NALF1: variants seen among roughly 807,000 people sequenced by gnomAD.
NALF1 encodes NALCN channel auxiliary factor 1, also known as family with sequence similarity 155 member A.
Under a neutral mutation model 48.4 loss-of-function variants are expected in NALF1, and 3 were observed. That is an observed-to-expected ratio of 0.06 (90% CI 0.03 to 0.16). The LOEUF (loss-of-function observed/expected upper bound fraction) is 0.16. Ranked by LOEUF, NALF1 falls within the 10% of genes least tolerant of loss-of-function variation. The probability of loss-of-function intolerance (pLI) is 1.00; values close to 1 mark genes in which losing one functional copy is unlikely to be tolerated. For synonymous variants in NALF1, 262 were observed against 245.7 expected, an observed-to-expected ratio of 1.07 and a Z score of -0.62; for missense variants, 526 against 571.5, an observed-to-expected ratio of 0.92 and a Z score of 0.81.
At chr13:107,801,473 G>A (rs1300615794) in intron 1 of NALF1, among the ~76,000 whole-genome samples, 2 of 152,190 alleles carry the variant, frequency 1.3e-5, no homozygotes, top group Non-Finnish European at 2.9e-5. Flanking sequence ...CTCGGGTGGT[G>A]TTCTTATATA....
At chr13:107,630,404 A>C (rs2057532) in intron 1 of NALF1, among the ~76,000 whole-genome samples, 37,174 of 151,986 alleles carry the variant, frequency 0.24, 5,139 homozygotes, top group East Asian at 0.49. Context: ...TCCCCACCTG[A>C]CTGGGAAAAC....
At chr13:107,372,204 ATAT>A (rs1401918343) in intron 1 of NALF1, among the ~76,000 whole-genome samples, 1 of 152,236 alleles carries the variant, frequency 6.6e-6, no homozygotes, top group Non-Finnish European at 1.5e-5. Context: ...ATTTCTTCCA[ATAT>A]TCATGTTTAA....
chr13:107,598,176 C>A (rs1454724633), intron 1 of NALF1, among the ~76,000 whole-genome samples: 1 of 152,142 alleles, frequency 6.6e-6, no homozygotes, highest in Non-Finnish European at 1.5e-5. Flanking sequence ...CACACACAGG[C>A]ATACACACAA....
At position 107,307,677 on chromosome 13, in the gene NALF1, A is replaced by G. The variant is rs935587297; in HGVS notation, c.916-96922T>C. 8.0e-5 allele frequency among the ~76,000 whole-genome samples: 12 copies of G among 149,798 alleles called. No individual in the cohort carries two copies. In the South Asian group the frequency reaches 2.5e-3, roughly 32 times the overall value. ...AAAAACTTGCTGGTGCTATAATGGC[A>G]TTGAAATGGATAACAGAAAATTGAA... On this transcript the variant is annotated intron_variant, in intron 1 of 2. Coordinates refer to ENST00000375915, the MANE Select transcript of NALF1 (RefSeq NM_001080396.3).
At chr13:107,701,701 T>C (rs976954516) in intron 1 of NALF1, among the ~76,000 whole-genome samples, 1 of 152,168 alleles carries the variant, frequency 6.6e-6, no homozygotes, top group Non-Finnish European at 1.5e-5. Context: ...TGTATTGCAT[T>C]TGGTGTTTTT....
chr13:107,517,250 T>TAAAAG (rs139307282), intron 1 of NALF1, among the ~76,000 whole-genome samples: 3,596 of 151,850 alleles, frequency 0.024, 137 homozygotes, highest in African/African-American at 0.082. Context: ...CTTGAAAAAC[T>TAAAAG]AAAAGAAAAG....
intron 1 of NALF1, among the ~76,000 whole-genome samples, chr13:107,317,476 T>C (rs1315374151): frequency 6.6e-6 from 1 of 152,048 alleles, no homozygotes; most frequent in African/African-American, 2.4e-5. Flanking sequence ...TTTAAAAACA[T>C]GTAGAATTCC....
intron 1 of NALF1, among the ~76,000 whole-genome samples, chr13:107,426,566 T>A (rs1487369282): frequency 6.6e-6 from 1 of 152,142 alleles, no homozygotes; most frequent in Non-Finnish European, 1.5e-5. Context: ...CATATTTTCA[T>A]AAGCAATCAA....
intron 1 of NALF1, among the ~76,000 whole-genome samples, chr13:107,797,443 T>A (rs943399115): frequency 6.6e-6 from 1 of 152,168 alleles, no homozygotes; most frequent in Non-Finnish European, 1.5e-5. Context: ...TCTCCTGACC[T>A]CATGATCCGC....
intron 1 of NALF1, among the ~76,000 whole-genome samples, chr13:107,617,958 ATTTG>A (rs1337643511): frequency 7.9e-5 from 12 of 152,180 alleles, no homozygotes; most frequent in East Asian, 3.8e-4. Flanking sequence ...CATTTTGTTC[ATTTG>A]TTTATTTCTT....
chr13:107,430,037 G>C (rs1048395335), intron 1 of NALF1, among the ~76,000 whole-genome samples: 1 of 152,160 alleles, frequency 6.6e-6, no homozygotes, highest in Non-Finnish European at 1.5e-5. Flanking sequence ...TTTAGGTATT[G>C]AGTTCTGAGC....
At chr13:107,217,174 GATTGT>G (rs1471464311) in intron 1 of NALF1, among the ~76,000 whole-genome samples, 1 of 152,140 alleles carries the variant, frequency 6.6e-6, no homozygotes, top group Non-Finnish European at 1.5e-5. Context: ...ACTCCACTGA[GATTGT>G]TCTTTCCAAG....
chr13:107,211,104 C>G (rs1311443027), intron 1 of NALF1, among the ~76,000 whole-genome samples: 2 of 152,176 alleles, frequency 1.3e-5, no homozygotes, highest in East Asian at 3.8e-4. Context: ...CTCTATTGCT[C>G]TTCTGTGCTG....
chr13:107,631,950 A>T (rs2138449331), intron 1 of NALF1, among the ~76,000 whole-genome samples: 1 of 152,302 alleles, frequency 6.6e-6, no homozygotes, highest in African/African-American at 2.4e-5. Flanking sequence ...CTTAAAAAAG[A>T]TAAAAACTCC....
intron 1 of NALF1, among the ~76,000 whole-genome samples, chr13:107,701,384 T>C (rs908802660): frequency 3.3e-5 from 5 of 152,218 alleles, no homozygotes; most frequent in Non-Finnish European, 7.3e-5. Context: ...ACCTAGAAGA[T>C]ATTAAGTGAA....
At chr13:107,343,925 G>T (rs1167501185) in intron 1 of NALF1, among the ~76,000 whole-genome samples, 1 of 150,912 alleles carries the variant, frequency 6.6e-6, no homozygotes, top group Non-Finnish European at 1.5e-5. Flanking sequence ...GTTTTTTTTT[G>T]AAAAGATTAA....
intron 1 of NALF1, among the ~76,000 whole-genome samples, chr13:107,245,556 C>A (rs1481311724): frequency 6.6e-6 from 1 of 152,118 alleles, no homozygotes; most frequent in Non-Finnish European, 1.5e-5. Flanking sequence ...CTAACAAGAT[C>A]ATTTTATACA....
intron 1 of NALF1, among the ~76,000 whole-genome samples, chr13:107,410,292 C>A (rs562621338): frequency 1.1e-4 from 17 of 152,254 alleles, no homozygotes; most frequent in Non-Finnish European, 8.8e-5. Context: ...CAGAAGGCCA[C>A]ACCCTGCAGG....
At position 107,414,814 on chromosome 13, in the gene NALF1, TGA is replaced by T. The variant is rs200418233; in HGVS notation, c.916-204061_916-204060del. ...AAATTACAGTTGTGTGTGGAGTGAG[TGA>T]GTGTGTGTGTGTGTGTATGTGTTTA... is the stretch of plus-strand genomic sequence containing the variant. On this transcript the variant is annotated intron_variant, in intron 1 of 2. Transcript: ENST00000375915. Among the ~76,000 whole-genome samples the T allele has an allele frequency of 1.3e-3, 187 of 138,804 alleles. 1 individual carries two copies. Among genetic ancestry groups the T allele is most frequent in the African/African-American group, 4.6e-3 (177 of 38,198 alleles). 91.1% of individuals were successfully genotyped at this position (138,804 alleles called of 152,430 possible).
Sources: gnomAD v4.1 joint callset for allele counts (sites outside exome capture counted in the v4.1 genomes callset) on GRCh38, gnomAD v4.1.1 for gene constraint, MANE v1.5 for transcripts, NCBI Gene and HGNC (gene_info 2026-07-23, HGNC 2026-07-21) for gene names.